RBPMS: variants seen among roughly 807,000 people sequenced by gnomAD.
RBPMS encodes RNA-binding protein with multiple splicing.
A neutral mutation model predicts 26.8 loss-of-function variants in RBPMS; 7 were observed. That is an observed-to-expected ratio of 0.26 (90% CI 0.15 to 0.49). RBPMS has a LOEUF of 0.49. Ranked by LOEUF, RBPMS falls within the 20% of genes least tolerant of loss-of-function variation. The probability of loss-of-function intolerance (pLI) is 0.98; values close to 1 mark genes in which losing one functional copy is unlikely to be tolerated. For missense variants in RBPMS, 186 were observed against 250.0 expected (o/e 0.74, Z 1.73); for synonymous variants, 96 against 93.3 (o/e 1.03, Z -0.17).
At chr8:30,417,935 G>A (rs1013920259) in intron 1 of RBPMS, among the ~76,000 whole-genome samples, 2 of 152,164 alleles carry the variant, frequency 1.3e-5, no homozygotes, top group Admixed American at 6.5e-5. Flanking sequence ...CATGAAACAC[G>A]ATATGTACGT....
At chr8:30,421,630 T>A (rs1274560430) in intron 1 of RBPMS, among the ~76,000 whole-genome samples, 1 of 152,160 alleles carries the variant, frequency 6.6e-6, no homozygotes. Context: ...GTTTTATGGG[T>A]TAGGTGGAAA....
intron 3 of RBPMS, among the ~76,000 whole-genome samples, chr8:30,478,566 C>T (rs1817941854): frequency 6.7e-6 from 1 of 148,954 alleles, no homozygotes; most frequent in East Asian, 2.0e-4. Flanking sequence ...GTGGCGCGAT[C>T]TCGGCTCACT....
intron 4 of RBPMS, among the ~76,000 whole-genome samples, chr8:30,496,198 T>A (rs904233671): frequency 2.0e-5 from 3 of 150,806 alleles, no homozygotes; most frequent in Non-Finnish European, 4.4e-5. Context: ...AGACGGAGTC[T>A]TGCTCTGTCT....
chr8:30,410,498 G>A (rs569836769), intron 1 of RBPMS, among the ~76,000 whole-genome samples: 4 of 152,110 alleles, frequency 2.6e-5, no homozygotes, highest in East Asian at 3.9e-4. Context: ...AAGAGCCACC[G>A]TGCCTGGCCA....
intron 5 of RBPMS, among the ~76,000 whole-genome samples, chr8:30,526,545 A>G (rs1445576891): frequency 2.6e-5 from 4 of 152,298 alleles, no homozygotes; most frequent in Admixed American, 1.3e-4. Flanking sequence ...ATTTTACTGA[A>G]GGCTGGGAAG....
In RBPMS at chr8:30,525,699, C is replaced by T. The variant is rs952548122; in HGVS notation, c.398-18795C>T. Among the ~76,000 whole-genome samples, 6 of 152,302 alleles carry T rather than the reference C, an allele frequency of 3.9e-5. No individual in the cohort carries two copies. In the East Asian group the frequency reaches 7.7e-4, roughly 20 times the overall value. The stretch of plus-strand genomic sequence containing the variant: ...AGGTCAGGAGATTGGAAGCTGCTTG[C>T]GGGGGAACGTAGGTAGGTGACTCTA... On this transcript the variant is annotated intron_variant, in intron 5 of 8. Transcript: ENST00000397323.
Position 30,571,638 on chromosome 8 carries a change from T to C in RBPMS, c.*1113T>C, listed in dbSNP as rs970055237. The C allele has an allele frequency of 1.3e-5, 2 of 152,240 alleles. No homozygotes were observed. The highest frequency in any genetic ancestry group is 2.9e-5 in the Non-Finnish European group (2 of 68,050). The allele number at this position is 152,240 out of a possible 1,614,324, so 9.4% of individuals were successfully genotyped here. A position where few individuals can be genotyped will look rare whatever the true frequency, so the allele number is the denominator to read the frequency against. ...GCAGCACTGGGCCAAACCGACCACA[T>C]ACCATGAGCTCCCAAATGGCGTGTG... is the stretch of plus-strand genomic sequence containing the variant. On this transcript the variant is annotated 3_prime_UTR_variant, in exon 9 of 9. Coordinates refer to ENST00000397323, the MANE Select transcript of RBPMS (RefSeq NM_001008710.3).
At chr8:30,445,649 G>GATATATATATAGATATATATATATATAT (rs1813652919) in intron 1 of RBPMS, among the ~76,000 whole-genome samples, 1 of 107,368 alleles carries the variant, frequency 9.3e-6, no homozygotes, top group Non-Finnish European at 1.9e-5. Context: ...TATACACACG[G>GATATATATATAGATATATATATATATAT]ATATATATAT....
At chr8:30,488,899 A>AG (rs1819076780) in intron 4 of RBPMS, among the ~76,000 whole-genome samples, 1 of 152,216 alleles carries the variant, frequency 6.6e-6, no homozygotes, top group East Asian at 1.9e-4. Flanking sequence ...GTCCGAATCC[A>AG]GCGGACCTGA....
chr8:30,550,203 T>C (rs887525700), intron 6 of RBPMS, among the ~76,000 whole-genome samples: 3 of 152,206 alleles, frequency 2.0e-5, no homozygotes, highest in African/African-American at 7.2e-5. Flanking sequence ...AGGAGAGCTC[T>C]GCGGGGCTTC....
At chr8:30,416,085 G>A (rs569350423) in intron 1 of RBPMS, among the ~76,000 whole-genome samples, 235 of 152,282 alleles carry the variant, frequency 1.5e-3, no homozygotes, top group African/African-American at 5.5e-3. Flanking sequence ...AGTGGTTTAT[G>A]AGTTGGGAGA....
At chr8:30,388,863 TAAA>T (rs1563276382) in intron 1 of RBPMS, among the ~76,000 whole-genome samples, 1 of 152,032 alleles carries the variant, frequency 6.6e-6, no homozygotes, top group Non-Finnish European at 1.5e-5. Context: ...ATAATAAAAC[TAAA>T]AAAGCAAAAA....
intron 4 of RBPMS, among the ~76,000 whole-genome samples, chr8:30,495,813 A>C (rs191878072): frequency 1.3e-5 from 2 of 152,062 alleles, no homozygotes; most frequent in Admixed American, 1.3e-4. Context: ...TATCTACCTA[A>C]GTTTCATCAC....
chr8:30,567,739 G>A (rs992914713), intron 8 of RBPMS, among the ~76,000 whole-genome samples: 1 of 152,222 alleles, frequency 6.6e-6, no homozygotes, highest in Non-Finnish European at 1.5e-5. Flanking sequence ...ACAGAAAAGA[G>A]GGGACAGGTT....
chr8:30,511,477 AAAAAAAAAAATATATATATATAT>A (rs1252537461), intron 5 of RBPMS, among the ~76,000 whole-genome samples: 535 of 7,376 alleles, frequency 0.073, 17 homozygotes, highest in South Asian at 0.14. Context: ...AAAAGAAAAA[AAAAAAAAAAATATATATATATAT>A]ATATATATAT....
In RBPMS at chr8:30,536,690, T is replaced by A. The variant is rs536517583; in HGVS notation, c.398-7804T>A. 2.0e-4 allele frequency among the ~76,000 whole-genome samples: 30 copies of A among 152,354 alleles called. No homozygotes were observed. The East Asian group carries it at 5.8e-3, about 29-fold the overall frequency. ...CCTGAATCATAGATTCAAGTTGCCCTGAAGATATACTTCCTGAAACACTTT... is the reference window on the plus strand; with the variant it reads ...CCTGAATCATAGATTCAAGTTGCCCAGAAGATATACTTCCTGAAACACTTT... On this transcript the variant is annotated intron_variant, in intron 5 of 8. Coordinates refer to ENST00000397323, the MANE Select transcript of RBPMS (RefSeq NM_001008710.3).
chr8:30,567,597 A>AT (rs1202780632), intron 8 of RBPMS, among the ~76,000 whole-genome samples: 2 of 152,156 alleles, frequency 1.3e-5, no homozygotes, highest in East Asian at 3.9e-4. Flanking sequence ...CCACTTGCAC[A>AT]TTTTTTTCCA....
intron 4 of RBPMS, among the ~76,000 whole-genome samples, chr8:30,490,793 T>A (rs542466108): frequency 6.6e-6 from 1 of 152,160 alleles, no homozygotes; most frequent in Non-Finnish European, 1.5e-5. Flanking sequence ...TTTGGTTAGA[T>A]CACTAGTAAT....
chr8:30,460,892 A>C lies in RBPMS; in HGVS notation c.67-13887A>C, dbSNP rs1259372480. Among the ~76,000 whole-genome samples, 3 of 152,070 alleles carry C rather than the reference A, an allele frequency of 2.0e-5. No homozygotes were observed. In the East Asian group the frequency reaches 5.8e-4, roughly 29 times the overall value. On this transcript the variant is annotated intron_variant, in intron 1 of 8. Transcript: ENST00000397323. Reference sequence around the variant, plus strand: ...GACATTTTGTATTTCTCTACCAAAAACACAAAAAATTAGCCAGGCATGGTG... The same window carrying C: ...GACATTTTGTATTTCTCTACCAAAACCACAAAAAATTAGCCAGGCATGGTG...
Sources: gnomAD v4.1 joint callset for allele counts (sites outside exome capture counted in the v4.1 genomes callset) on GRCh38, gnomAD v4.1.1 for gene constraint, MANE v1.5 for transcripts, NCBI Gene and HGNC (gene_info 2026-07-23, HGNC 2026-07-21) for gene names.